The following TENM3 variants were observed in gnomAD, a reference collection of about 807,000 sequenced individuals.
The protein encoded by TENM3 is teneurin-3.
Under a neutral mutation model 255.1 loss-of-function variants are expected in TENM3, and 63 were observed. The ratio of observed to expected loss-of-function variants is 0.25; its 90% confidence interval spans 0.20 to 0.30. TENM3 has a LOEUF of 0.30. Among genes scored for constraint, TENM3 ranks in the 10% least tolerant of loss-of-function variants. TENM3 has a pLI of 1.00. For synonymous variants in TENM3, 1,306 were observed against 1,322.3 expected, an observed-to-expected ratio of 0.99 and a Z score of 0.27; for missense variants, 2,929 against 3,461.1, an observed-to-expected ratio of 0.85 and a Z score of 3.86.
the TENM3 span, among the ~76,000 whole-genome samples, chr4:181,622,387 ATAAC>A: frequency 1.3e-5 from 2 of 152,182 alleles, no homozygotes; most frequent in Admixed American, 1.3e-4. Context: ...AATAAATACT[ATAAC>A]TAGGCCAGGC....
the TENM3 span, among the ~76,000 whole-genome samples, chr4:181,575,677 A>G: frequency 6.6e-6 from 1 of 152,212 alleles, no homozygotes; most frequent in African/African-American, 2.4e-5. Flanking sequence ...AGCTTTCTGA[A>G]TCAGTGCTCT....
intron 1 of TENM3, among the ~76,000 whole-genome samples, chr4:182,301,849 A>G (rs1047130767): frequency 2.0e-5 from 3 of 152,196 alleles, no homozygotes; most frequent in African/African-American, 4.8e-5. Flanking sequence ...CTCTAAAGAC[A>G]GGGAATTCGG....
intron 3 of TENM3, among the ~76,000 whole-genome samples, chr4:182,546,082 T>G (rs80247225): frequency 0.039 from 5,946 of 152,268 alleles, 227 homozygotes; most frequent in East Asian, 0.095. Context: ...AAAATATTCT[T>G]ACTGTTCATT....
the TENM3 span, among the ~76,000 whole-genome samples, chr4:181,711,200 A>C: frequency 6.6e-6 from 1 of 152,214 alleles, no homozygotes; most frequent in Non-Finnish European, 1.5e-5. Flanking sequence ...CCACATATGC[A>C]CAAGAACTAA....
At chr4:181,493,395 A>G in the TENM3 span, among the ~76,000 whole-genome samples, 4 of 152,114 alleles carry the variant, frequency 2.6e-5, no homozygotes, top group East Asian at 7.7e-4. Context: ...TTTCTTTTTG[A>G]CAAATAAGAT....
At chr4:181,492,861 G>T in the TENM3 span, among the ~76,000 whole-genome samples, 2 of 151,826 alleles carry the variant, frequency 1.3e-5, no homozygotes, top group Non-Finnish European at 2.9e-5. Context: ...TACTTTCTCT[G>T]GTCATATATC....
chr4:182,515,127 T>C (rs1737806478), intron 3 of TENM3, among the ~76,000 whole-genome samples: 1 of 152,136 alleles, frequency 6.6e-6, no homozygotes, highest in South Asian at 2.1e-4. Context: ...ATTTCAGTAG[T>C]GTTCTGGGGG....
At chr4:181,974,841 T>C in the TENM3 span, among the ~76,000 whole-genome samples, 1 of 152,184 alleles carries the variant, frequency 6.6e-6, no homozygotes, top group Non-Finnish European at 1.5e-5. Flanking sequence ...GGGTATTACA[T>C]ATGTAATGGT....
the TENM3 span, among the ~76,000 whole-genome samples, chr4:181,636,643 C>T: frequency 6.6e-6 from 1 of 152,186 alleles, no homozygotes; most frequent in Non-Finnish European, 1.5e-5. Flanking sequence ...ACACTCCACC[C>T]ACTTCTCCCC....
chr4:181,729,058 G>A, the TENM3 span, among the ~76,000 whole-genome samples: 1 of 152,122 alleles, frequency 6.6e-6, no homozygotes, highest in Non-Finnish European at 1.5e-5. Flanking sequence ...ACCAGACATA[G>A]AGGAAGCTTA....
intron 1 of TENM3, among the ~76,000 whole-genome samples, chr4:182,250,246 G>T (rs928847388): frequency 2.0e-5 from 3 of 151,604 alleles, no homozygotes; most frequent in African/African-American, 7.3e-5. Flanking sequence ...TAGAGACGGG[G>T]TTTCACTGTG....
chr4:181,801,651 AATATATATATATATATATATAT>A, the TENM3 span, among the ~76,000 whole-genome samples: 1,400 of 80,944 alleles, frequency 0.017, 49 homozygotes, highest in African/African-American at 0.055. Context: ...AGAATTGTAA[AATATATATATATATATATATAT>A]ATATATATAT....
At chr4:182,327,146 C>T (rs1341646569) in intron 2 of TENM3, among the ~76,000 whole-genome samples, 1 of 152,078 alleles carries the variant, frequency 6.6e-6, no homozygotes, top group Non-Finnish European at 1.5e-5. Context: ...TGACAAATGT[C>T]AATTTTTTCT....
At chr4:181,609,937 T>C in the TENM3 span, among the ~76,000 whole-genome samples, 310 of 152,302 alleles carry the variant, frequency 2.0e-3, 2 homozygotes, top group African/African-American at 7.1e-3. Flanking sequence ...AGAATAATAC[T>C]GGAACATAAG....
chr4:182,676,928 A>G (rs1232629046), intron 7 of TENM3, among the ~76,000 whole-genome samples: 2 of 152,186 alleles, frequency 1.3e-5, no homozygotes, highest in African/African-American at 2.4e-5. Flanking sequence ...CCCGCGGACT[A>G]GTGCAATTGA....
At chr4:181,602,744 T>G in the TENM3 span, among the ~76,000 whole-genome samples, 1 of 152,168 alleles carries the variant, frequency 6.6e-6, no homozygotes, top group Non-Finnish European at 1.5e-5. Context: ...CTCTAGCCAA[T>G]TTGGACATAT....
intron 18 of TENM3, among the ~76,000 whole-genome samples, chr4:182,741,753 C>A (rs371116456): frequency 1.3e-5 from 2 of 152,132 alleles, no homozygotes; most frequent in Non-Finnish European, 2.9e-5. Flanking sequence ...TTTGAATAAA[C>A]CTGTTTTATT....
chr4:181,654,734 A>G, the TENM3 span, among the ~76,000 whole-genome samples: 1 of 148,138 alleles, frequency 6.8e-6, no homozygotes. Context: ...AGCCCAGGCA[A>G]TAAGAGTGAA....
the TENM3 span, among the ~76,000 whole-genome samples, chr4:181,825,174 A>C: frequency 7.3e-4 from 111 of 152,252 alleles, no homozygotes; most frequent in East Asian, 0.021. Context: ...AGGCCAAGGC[A>C]GATGGATCAT....
Sources: gnomAD v4.1 joint callset for allele counts (sites outside exome capture counted in the v4.1 genomes callset) on GRCh38, gnomAD v4.1.1 for gene constraint, MANE v1.5 for transcripts, NCBI Gene and HGNC (gene_info 2026-07-23, HGNC 2026-07-21) for gene names.